Variants in VEGFA observed in about 807,000 individuals in gnomAD.
The protein encoded by VEGFA is vascular endothelial growth factor A.
In VEGFA, 20 loss-of-function variants were observed where a neutral mutation model predicts 49.7. That is an observed-to-expected ratio of 0.40 (90% CI 0.28 to 0.58). The LOEUF (loss-of-function observed/expected upper bound fraction) is 0.58. Ranked by LOEUF, VEGFA falls within the 20% of genes least tolerant of loss-of-function variation. The pLI is 0.40. For missense variants in VEGFA, 505 were observed against 553.5 expected, an observed-to-expected ratio of 0.91 and a Z score of 0.88; for synonymous variants, 219 against 223.4, an observed-to-expected ratio of 0.98 and a Z score of 0.18.
At chr6:43,784,444 T>G (rs2128062100) in intron 7 of VEGFA, 97 bp from the exon 8 acceptor site, 1 of 1,202,720 alleles carries the variant, frequency 8.3e-7, no homozygotes, top group Non-Finnish European at 1.2e-6. Context: ...GAGGCTGCAG[T>G]GACCCAGGGG....
chr6:43,770,551 G>A lies in VEGFA; in HGVS notation c.-156G>A. On this transcript the variant is annotated 5_prime_UTR_variant, in exon 1 of 8. Coordinates refer to ENST00000672860, the MANE Select transcript of VEGFA (RefSeq NM_003376.6). ...GGAAAGAGGTAGCAAGAGCTCCAGA[G>A]AGAAGTCGAGGAAGAGAGAGACGGG... 1.5e-6 allele frequency: 2 copies of A among 1,332,538 alleles called. No homozygotes were observed. Among genetic ancestry groups the A allele is most frequent in the Non-Finnish European group, 1.9e-6 (2 of 1,046,618 alleles). 82.5% of individuals were successfully genotyped at this position (1,332,538 alleles called of 1,614,324 possible).
At chr6:43,784,296 G>A (rs1332833853) in intron 7 of VEGFA, 6 of 604,200 alleles carry the variant, frequency 9.9e-6, no homozygotes, top group African/African-American at 9.3e-5. Context: ...TGCAAGCTCA[G>A]GAGGGTAGAC....
chr6:43,778,039 G>T (rs1364854104), intron 3 of VEGFA: 5 of 437,646 alleles, frequency 1.1e-5, no homozygotes, highest in African/African-American at 2.0e-5. Flanking sequence ...AAAGTCTTTT[G>T]GTGTTACCTG....
Position 43,770,944 on chromosome 6 carries a change from G to T in VEGFA, c.238G>T (p.Ala80Ser), listed in dbSNP as rs1277821911. The T allele has an allele frequency of 6.5e-7, 1 of 1,544,804 alleles. No individual in the cohort carries two copies. Among genetic ancestry groups the T allele is most frequent in the Non-Finnish European group, 8.7e-7 (1 of 1,145,488 alleles). Residue 80 changes from alanine to serine, a missense_variant, in exon 1 of 8, where the codon GCG becomes TCG. By Grantham distance (99) the Ala-to-Ser change is moderately conservative. Around this residue, in one of 2 missense-constraint regions of VEGFA, gnomAD observed 340 missense variants for 321.8 expected, o/e 1.06. Coordinates refer to ENST00000672860, the MANE Select transcript of VEGFA (RefSeq NM_003376.6). ...GGGGGAAGCCGAGCCGAGCGGAGCC[G>T]CGAGAAGTGCTAGCTCGGGCCGGGA...
At chr6:43,774,070 T>C in intron 1 of VEGFA, 1 of 560,024 alleles carries the variant, frequency 1.8e-6, no homozygotes, top group Non-Finnish European at 3.2e-6. Context: ...TGAAGCATTC[T>C]GGGGTTTTCC....
chr6:43,785,692 C>T lies in VEGFA; in HGVS notation c.*1130C>T, dbSNP rs552833857. 2 of 196,364 alleles carry T rather than the reference C, an allele frequency of 1.0e-5. No individual in the cohort carries two copies. Among genetic ancestry groups the T allele is most frequent in the Non-Finnish European group, 2.1e-5 (2 of 94,700 alleles). 12.2% of individuals were successfully genotyped at this position (196,364 alleles called of 1,614,324 possible). A position where few individuals can be genotyped will look rare whatever the true frequency, so the allele number is the denominator to read the frequency against. On this transcript the variant is annotated 3_prime_UTR_variant, in exon 8 of 8. Transcript: ENST00000672860. Reference sequence around the variant, plus strand: ...GTGAGTGGTTGACCTTCCTCCATCCCCTGGTCCTTCCCTTCCCTTCCCGAG... The same window carrying T: ...GTGAGTGGTTGACCTTCCTCCATCCTCTGGTCCTTCCCTTCCCTTCCCGAG...
intron 5 of VEGFA, 50 bp from the exon 6 acceptor site, chr6:43,780,682 T>TCCCCC: frequency 1.3e-6 from 2 of 1,580,988 alleles, no homozygotes; most frequent in Non-Finnish European, 8.6e-7. Context: ...CTTCTTTTAC[T>TCCCCC]CCCCCCACCG....
At chr6:43,776,884 C>T (rs735286) in intron 2 of VEGFA, 41,356 of 175,790 alleles carry the variant, frequency 0.24, 5,853 homozygotes, top group East Asian at 0.4. Flanking sequence ...CCTCTTTGAG[C>T]CTCCTGTTCC....
In VEGFA at chr6:43,777,733, TC is replaced by T. The variant is rs2128029738; in HGVS notation, c.855+71del. On this transcript the variant is annotated intron_variant, in intron 3 of 7. Coordinates refer to ENST00000672860, the MANE Select transcript of VEGFA (RefSeq NM_003376.6). The surrounding 1 kb of genome is among the most constrained non-coding windows in gnomAD (Gnocchi z 4.3). ...GGGGTAACACTTTGGGAACAGGTGG[TC>T]CCAGGTCGTTTCCTGGCTAGATTTG... is the stretch of plus-strand genomic sequence containing the variant. 1 of 1,474,024 alleles carries T rather than the reference TC, an allele frequency of 6.8e-7. No individual in the cohort carries two copies. Among genetic ancestry groups the T allele is most frequent in the Non-Finnish European group, 9.2e-7 (1 of 1,091,182 alleles). The allele number at this position is 1,474,024 out of a possible 1,614,324, so 91.3% of individuals were successfully genotyped here.
chr6:43,771,206 G>A lies in VEGFA; in HGVS notation c.500G>A (p.Gly167Glu). The A allele has an allele frequency of 6.2e-7, 1 of 1,601,896 alleles. No individual in the cohort carries two copies. Among genetic ancestry groups the A allele is most frequent in the Non-Finnish European group, 8.5e-7 (1 of 1,176,316 alleles). ...CCGCCCCACAGCCCGAGCCGGAGAG[G>A]GAGCGCGAGCCGCGCCGGCCCCGGT... The change falls in exon 1 of 8, where the codon GGG (glycine) becomes GAG (glutamate). Residue 167 changes from glycine to glutamate, a missense_variant. Gly to Glu is a moderately conservative substitution (Grantham distance 98). Transcript: ENST00000672860.
In VEGFA at chr6:43,782,074, G is replaced by C. The variant is rs759826070; in HGVS notation, c.1153G>C (p.Glu385Gln). 6.2e-7 allele frequency: 1 copy of C among 1,613,808 alleles called. No individual in the cohort carries two copies. Among genetic ancestry groups the C allele is most frequent in the South Asian group, 1.1e-5 (1 of 91,022 alleles). Residue 385 changes from glutamate to glutamine, a missense_variant, in exon 7 of 8, where the codon GAA becomes CAA. Transcript: ENST00000672860. ...CAAGGCGAGGCAGCTTGAGTTAAAC[G>C]AACGTACTTGCAGGTTGGTTCCCAG...
Position 43,784,619 on chromosome 6 carries a change from G to T in VEGFA, c.*57G>T, listed in dbSNP as rs1562000879. The T allele has an allele frequency of 6.2e-7, 1 of 1,614,154 alleles. No homozygotes were observed. Among genetic ancestry groups the T allele is most frequent in the Non-Finnish European group, 8.5e-7 (1 of 1,180,020 alleles). ...TTTCGGGAACCAGATCTCTCACCAG[G>T]AAAGACTGATACAGAACGATCGATA... is the stretch of plus-strand genomic sequence containing the variant. On this transcript the variant is annotated 3_prime_UTR_variant, in exon 8 of 8. Transcript: ENST00000672860.
chr6:43,770,390 AT>A lies in VEGFA; in HGVS notation c.-308del, dbSNP rs528641022. ...TTATCCCTCTTCTTTTTTCTTAAAC[AT>A]TTTTTTTTAAAACTGTATTGTTTCT... is the stretch of plus-strand genomic sequence containing the variant. On this transcript the variant is annotated 5_prime_UTR_variant, in exon 1 of 8. Transcript: ENST00000672860. 3,030 of 369,030 alleles carry A rather than the reference AT, an allele frequency of 8.2e-3. 55 individuals are homozygous for A. The highest frequency in any genetic ancestry group is 0.054 in the African/African-American group (2,544 of 47,546). 22.9% of individuals were successfully genotyped at this position (369,030 alleles called of 1,614,324 possible). A position where few individuals can be genotyped will look rare whatever the true frequency, so the allele number is the denominator to read the frequency against.
intron 7 of VEGFA, 146 bp from the exon 8 acceptor site, chr6:43,784,395 G>A (rs1769021652): frequency 1.2e-6 from 1 of 837,002 alleles, no homozygotes; most frequent in Admixed American, 1.8e-5. Context: ...TTCTGCCCCA[G>A]GACCACACCT....
chr6:43,777,739 G>A lies in VEGFA; in HGVS notation c.855+74G>A. 6.8e-7 allele frequency: 1 copy of A among 1,464,944 alleles called. No individual in the cohort carries two copies. The highest frequency in any genetic ancestry group is 9.2e-7 in the Non-Finnish European group (1 of 1,086,138). 90.7% of individuals were successfully genotyped at this position (1,464,944 alleles called of 1,614,324 possible). A position where few individuals can be genotyped will look rare whatever the true frequency, so the allele number is the denominator to read the frequency against. The stretch of plus-strand genomic sequence containing the variant: ...ACACTTTGGGAACAGGTGGTCCCAG[G>A]TCGTTTCCTGGCTAGATTTGCCTTG... On this transcript the variant is annotated intron_variant, in intron 3 of 7. Coordinates refer to ENST00000672860, the MANE Select transcript of VEGFA (RefSeq NM_003376.6). This position sits in a 1 kb window ranked among gnomAD's most constrained non-coding sequence, Gnocchi z 4.3.
At chr6:43,780,562 TGCGCCC>T (rs1413464095) in intron 5 of VEGFA, 164 bp from the exon 6 acceptor site, 8 of 861,398 alleles carry the variant, frequency 9.3e-6, no homozygotes, top group Non-Finnish European at 1.5e-5. Flanking sequence ...CACGCCTGTG[TGCGCCC>T]GCGCATGCCT....
intron 1 of VEGFA, among the ~76,000 whole-genome samples, chr6:43,772,313 G>C (rs1192700407): frequency 1.3e-5 from 2 of 152,216 alleles, no homozygotes; most frequent in African/African-American, 4.8e-5. Flanking sequence ...CCAGAGTCCA[G>C]GGAAAGGATG....
Position 43,784,597 on chromosome 6 carries a change from C to T in VEGFA, c.*35C>T, listed in dbSNP as rs374044063. 183 of 1,614,202 alleles carry T rather than the reference C, an allele frequency of 1.1e-4. 1 individual carries two copies. In the Middle Eastern group the frequency reaches 1.3e-3, roughly 12 times the overall value. ...GAGGAAGGAGCCTCCCTCAGGGTTT[C>T]GGGAACCAGATCTCTCACCAGGAAA... On this transcript the variant is annotated 3_prime_UTR_variant, in exon 8 of 8. Coordinates refer to ENST00000672860, the MANE Select transcript of VEGFA (RefSeq NM_003376.6).
At chr6:43,782,388 G>A in intron 7 of VEGFA, 2 of 419,564 alleles carry the variant, frequency 4.8e-6, no homozygotes, top group South Asian at 4.1e-5. Flanking sequence ...GTTGTGTCCT[G>A]TGGTCCTTCT....
Sources: allele counts gnomAD v4.1 joint callset (sites outside exome capture counted in the v4.1 genomes callset), GRCh38; gene constraint gnomAD v4.1.1; regional missense constraint gnomAD v4.1.1; non-coding constraint Gnocchi (gnomAD v3.1); transcripts MANE v1.5; gene names NCBI Gene and HGNC (gene_info 2026-07-23, HGNC 2026-07-21).